The following ALK variants were observed in gnomAD, a reference collection of about 807,000 sequenced individuals.
ALK encodes ALK tyrosine kinase receptor.
Under a neutral mutation model 163.1 loss-of-function variants are expected in ALK, and 74 were observed. The ratio of observed to expected loss-of-function variants is 0.45; its 90% CI spans 0.38 to 0.55. The LOEUF is 0.55. Ranked by LOEUF, ALK falls within the 20% of genes least tolerant of loss-of-function variation. The probability of loss-of-function intolerance (pLI) is 0.00; values close to 1 mark genes in which losing one functional copy is unlikely to be tolerated. For missense variants in ALK, 2,063 were observed against 2,105.3 expected (o/e 0.98, Z 0.39); for synonymous variants, 960 against 843.2 (o/e 1.14, Z -2.40).
chr2:29,895,856 G>A (rs1270395999), intron 1 of ALK, among the ~76,000 whole-genome samples: 3 of 152,194 alleles, frequency 2.0e-5, no homozygotes, highest in Non-Finnish European at 4.4e-5. Flanking sequence ...TGGCTGTCCA[G>A]TATTCTCAGT....
chr2:29,296,805 G>A, intron 9 of ALK, 83 bp downstream of exon 9: 7 of 1,574,792 alleles, frequency 4.4e-6, no homozygotes, highest in African/African-American at 1.3e-5. Context: ...TGGGTAAAAG[G>A]CACGGGGAAA....
intron 1 of ALK, among the ~76,000 whole-genome samples, chr2:29,721,147 C>T (rs1317228673): frequency 6.6e-6 from 1 of 152,174 alleles, no homozygotes. Context: ...ATTTCTTAAG[C>T]CCTTTCTAGG....
At chr2:29,368,307 C>T (rs755863555) in intron 5 of ALK, among the ~76,000 whole-genome samples, 1 of 152,128 alleles carries the variant, frequency 6.6e-6, no homozygotes, top group Non-Finnish European at 1.5e-5. Flanking sequence ...TTCTACACCC[C>T]ACAAAATAAC....
At chr2:29,326,359 C>G (rs777965405) in intron 6 of ALK, among the ~76,000 whole-genome samples, 4 of 152,212 alleles carry the variant, frequency 2.6e-5, no homozygotes, top group Non-Finnish European at 5.9e-5. Context: ...CTTATCTGTG[C>G]CTTCATTTTC....
intron 4 of ALK, among the ~76,000 whole-genome samples, chr2:29,420,967 C>T (rs1373924868): frequency 6.6e-6 from 1 of 151,558 alleles, no homozygotes; most frequent in Non-Finnish European, 1.5e-5. Context: ...CTCCCCATCA[C>T]AGAACTTGTC....
chr2:29,355,694 G>C (rs797002674), intron 5 of ALK, among the ~76,000 whole-genome samples: 17 of 152,324 alleles, frequency 1.1e-4, no homozygotes, highest in African/African-American at 3.6e-4. Flanking sequence ...TGAACTGTCA[G>C]AAGTGCTGCC....
Position 29,498,926 on chromosome 2 carries a change from A to G in ALK, c.1154+32989T>C, listed in dbSNP as rs147657532. Among the ~76,000 whole-genome samples the G allele has an allele frequency of 1.4e-3, 219 of 152,306 alleles. 1 individual carries two copies. Among genetic ancestry groups the G allele is most frequent in the African/African-American group, 5.2e-3 (215 of 41,568 alleles). The stretch of plus-strand genomic sequence containing the variant: ...GATTCACAGGAGTATAGCATTTGGA[A>G]GCTAGAAGATCACCTACTCCAAACA... On this transcript the variant is annotated intron_variant, in intron 4 of 28. Coordinates refer to ENST00000389048, the MANE Select transcript of ALK (RefSeq NM_004304.5).
rs556339463 is a variant in ALK, at chr2:29,393,095, C to A, written c.1155-9236G>T. On this transcript the variant is annotated intron_variant, in intron 4 of 28. Coordinates refer to ENST00000389048, the MANE Select transcript of ALK (RefSeq NM_004304.5). ...AGGTTACTGAGTGCTCAAGGTTATTCTTTAGTACCCCTAGACCCCCTACTC... is the reference window on the plus strand; with the variant it reads ...AGGTTACTGAGTGCTCAAGGTTATTATTTAGTACCCCTAGACCCCCTACTC... Among the ~76,000 whole-genome samples, 6 of 152,260 alleles carry A rather than the reference C, an allele frequency of 3.9e-5. No individual in the cohort carries two copies. In the East Asian group the frequency reaches 1.2e-3, roughly 29 times the overall value.
rs2148178564 is a variant in ALK at position 29,227,015 on chromosome 2, C to T, written c.2974G>A (p.Val992Ile). The change falls in exon 18 of 29, where the codon GTA (valine) becomes ATA (isoleucine). Residue 992 changes from valine (V) to isoleucine (I), a missense_variant. Coordinates refer to ENST00000389048, the MANE Select transcript of ALK (RefSeq NM_004304.5). This position sits in a 1 kb window ranked among gnomAD's most constrained non-coding sequence, Gnocchi z 4.4. The stretch of plus-strand genomic sequence containing the variant: ...TCAGGGTCCATGTGACATTCGTCTA[C>T]CTCACAGTGACTGCAGTTTAGATAA... ...KHYLNCSHCE[V>I]DECHMDPESH... 1 of 1,614,176 alleles carries T rather than the reference C, an allele frequency of 6.2e-7. No homozygotes were observed. The highest frequency in any genetic ancestry group is 8.5e-7 in the Non-Finnish European group (1 of 1,180,044).
chr2:29,218,201 C>T (rs1030170167), intron 23 of ALK, among the ~76,000 whole-genome samples: 11 of 152,216 alleles, frequency 7.2e-5, no homozygotes, highest in African/African-American at 2.7e-4. Flanking sequence ...CGGGGAGGAC[C>T]ATGACTGGGG....
intron 4 of ALK, among the ~76,000 whole-genome samples, chr2:29,427,260 C>T (rs971108199): frequency 6.6e-6 from 1 of 151,902 alleles, no homozygotes; most frequent in Admixed American, 6.6e-5. Context: ...AGGTTAGTAT[C>T]ACTACCACTA....
At chr2:29,744,896 T>C (rs1680168918) in intron 1 of ALK, among the ~76,000 whole-genome samples, 1 of 152,170 alleles carries the variant, frequency 6.6e-6, no homozygotes, top group South Asian at 2.1e-4. Context: ...CACTGCATTC[T>C]ACTCATCAGG....
At position 29,463,899 on chromosome 2, in the gene ALK, A is replaced by C. The variant is rs532018288; in HGVS notation, c.1154+68016T>G. 1.9e-3 allele frequency among the ~76,000 whole-genome samples: 283 copies of C among 152,318 alleles called. 2 individuals carry two copies. The highest frequency in any genetic ancestry group is 6.6e-3 in the African/African-American group (273 of 41,582). On this transcript the variant is annotated intron_variant, in intron 4 of 28. Transcript: ENST00000389048. ...TGAACAGTCTGTGTCCCAACCAGCC[A>C]AAGTAGGTAGATCTAGTTACTCATG...
intron 3 of ALK, among the ~76,000 whole-genome samples, chr2:29,617,563 C>T (rs1381752804): frequency 6.6e-6 from 1 of 152,214 alleles, no homozygotes; most frequent in Non-Finnish European, 1.5e-5. Flanking sequence ...CTGTCTCAGG[C>T]TCCTCTGAGC....
intron 4 of ALK, among the ~76,000 whole-genome samples, chr2:29,492,322 C>T (rs115112659): frequency 0.021 from 3,149 of 152,234 alleles, 65 homozygotes; most frequent in Non-Finnish European, 0.025. Context: ...AGTGTGTTTT[C>T]CATGGAAGAC....
intron 3 of ALK, among the ~76,000 whole-genome samples, chr2:29,682,633 A>C (rs879585957): frequency 5.3e-5 from 8 of 152,196 alleles, no homozygotes; most frequent in Admixed American, 5.2e-4. Context: ...ATAATACTTT[A>C]TGTTTGCTTA....
At chr2:29,318,881 A>C (rs1307666378) in intron 7 of ALK, among the ~76,000 whole-genome samples, 1 of 152,010 alleles carries the variant, frequency 6.6e-6, no homozygotes, top group Non-Finnish European at 1.5e-5. Context: ...TTTCATTCTA[A>C]ACTGCCTGTG....
At chr2:29,917,354 G>A (rs957433307) in intron 1 of ALK, among the ~76,000 whole-genome samples, 1 of 152,196 alleles carries the variant, frequency 6.6e-6, no homozygotes. Flanking sequence ...TAATTGAAGA[G>A]CCCACATCAT....
intron 1 of ALK, among the ~76,000 whole-genome samples, chr2:29,865,180 T>G (rs1263303625): frequency 6.6e-6 from 1 of 152,230 alleles, no homozygotes; most frequent in Non-Finnish European, 1.5e-5. Flanking sequence ...GCTCTGGGCA[T>G]GTGTCCTCCA....
Sources: allele counts gnomAD v4.1 joint callset (sites outside exome capture counted in the v4.1 genomes callset), GRCh38; gene constraint gnomAD v4.1.1; non-coding constraint Gnocchi (gnomAD v3.1); transcripts MANE v1.5; gene names NCBI Gene and HGNC (gene_info 2026-07-23, HGNC 2026-07-21).